The following RADX variants were observed in gnomAD, a reference collection of about 807,000 sequenced individuals.
RADX encodes RPA-related protein RADX.
A neutral mutation model predicts 61.6 loss-of-function variants in RADX; 36 were observed. That is an observed-to-expected ratio of 0.58 (90% CI 0.45 to 0.77). RADX has a LOEUF of 0.77. Ranked by LOEUF, RADX falls within the 30% of genes least tolerant of loss-of-function variation. RADX has a pLI of 0.00. For missense variants in RADX, 497 were observed against 651.1 expected, an observed-to-expected ratio of 0.76 and a Z score of 2.58; for synonymous variants, 272 against 237.9, an observed-to-expected ratio of 1.14 and a Z score of -1.32.
chrX:106,671,092 T>A (rs1471746606), intron 13 of RADX, among the ~76,000 whole-genome samples: 2 of 111,484 alleles, frequency 1.8e-5, no homozygotes, highest in Admixed American at 9.5e-5. Flanking sequence ...ACTCACCTAT[T>A]CTCAGGAGAT....
chrX:106,663,288 C>G (rs375612782), intron 12 of RADX, among the ~76,000 whole-genome samples: 1 of 111,308 alleles, frequency 9.0e-6, no homozygotes. Context: ...TCCCTACCTC[C>G]TCACATATAA....
chrX:106,637,609 T>C, intron 7 of RADX, 151 bp from the exon 8 acceptor site: 1 of 440,497 alleles, frequency 2.3e-6, no homozygotes. Flanking sequence ...TAATTATACA[T>C]AGTGAATAAG....
rs184306730 is a variant in RADX, at chrX:106,670,897, T to C, written c.2437+1567T>C. 4.1e-3 allele frequency among the ~76,000 whole-genome samples: 453 copies of C among 111,526 alleles called. 5 individuals carry two copies. Among genetic ancestry groups the C allele is most frequent in the African/African-American group, 0.014 (440 of 30,820 alleles). Reference sequence around the variant, plus strand: ...CTGAAAGATAAAAATAGTTACAAAATGATATAATGCAGTGTCTCATGGTAT... The same window carrying C: ...CTGAAAGATAAAAATAGTTACAAAACGATATAATGCAGTGTCTCATGGTAT... On this transcript the variant is annotated intron_variant, in intron 13 of 13. Transcript: ENST00000372548.
intron 11 of RADX, among the ~76,000 whole-genome samples, chrX:106,660,850 C>T (rs986456404): frequency 2.7e-5 from 3 of 111,696 alleles, no homozygotes; most frequent in Non-Finnish European, 5.6e-5. Context: ...TAAATGACTG[C>T]CTGAGACTGG....
At chrX:106,648,552 A>G (rs1332281213) in intron 11 of RADX, among the ~76,000 whole-genome samples, 166 bp downstream of exon 11, 1 of 111,596 alleles carries the variant, frequency 9.0e-6, no homozygotes, top group Non-Finnish European at 1.9e-5. Flanking sequence ...TCAATTTGGT[A>G]TCATCCCAAA....
chrX:106,617,931 G>GA (rs780232764), intron 1 of RADX, among the ~76,000 whole-genome samples: 2 of 111,466 alleles, frequency 1.8e-5, no homozygotes, highest in East Asian at 5.6e-4. Flanking sequence ...AATTTATGCA[G>GA]AAAAAAAGAT....
chrX:106,628,008 G>GA (rs1407277057), intron 3 of RADX, among the ~76,000 whole-genome samples: 3 of 110,620 alleles, frequency 2.7e-5, no homozygotes, highest in Non-Finnish European at 5.7e-5. Context: ...GCTAATTTTT[G>GA]TTTTTTTAGT....
chrX:106,675,679 A>G (rs983391866), intron 13 of RADX, among the ~76,000 whole-genome samples: 1 of 112,374 alleles, frequency 8.9e-6, no homozygotes, highest in Middle Eastern at 4.6e-3. Flanking sequence ...TGCCTTTGTC[A>G]CACTTAACTT....
intron 1 of RADX, among the ~76,000 whole-genome samples, chrX:106,621,925 GTTTTT>G (rs368340491): frequency 1.1e-5 from 1 of 89,940 alleles, no homozygotes; most frequent in African/African-American, 4.3e-5. Flanking sequence ...CAATTCTATG[GTTTTT>G]TTTTTTTTTT....
chrX:106,617,594 T>C (rs371586934), intron 1 of RADX, among the ~76,000 whole-genome samples: 5 of 111,685 alleles, frequency 4.5e-5, no homozygotes, highest in African/African-American at 1.3e-4. Flanking sequence ...TATTGTTGAG[T>C]TTTACACTTT....
chrX:106,631,514 C>A (rs1927215866), intron 3 of RADX, among the ~76,000 whole-genome samples: 1 of 107,501 alleles, frequency 9.3e-6, no homozygotes, highest in South Asian at 4.1e-4. Flanking sequence ...TCAAGATCAG[C>A]CTGGGCAACA....
At chrX:106,627,094 T>G (rs939721452) in intron 3 of RADX, among the ~76,000 whole-genome samples, 1 of 112,218 alleles carries the variant, frequency 8.9e-6, no homozygotes, top group Admixed American at 9.5e-5. Context: ...AGCCTACATG[T>G]GTAAGTGGAT....
intron 7 of RADX, among the ~76,000 whole-genome samples, 191 bp from the exon 8 acceptor site, chrX:106,637,569 T>G (rs73529269): frequency 9.0e-6 from 1 of 111,381 alleles, no homozygotes; most frequent in East Asian, 2.8e-4. Context: ...TGTCTGATTT[T>G]CTTCTTAGGA....
chrX:106,648,534 T>C (rs1927719698), intron 11 of RADX, 148 bp downstream of exon 11: 2 of 402,554 alleles, frequency 5.0e-6, no homozygotes, highest in Admixed American at 8.7e-5. Flanking sequence ...CTGTCAAAAG[T>C]GTACTGATCA....
At chrX:106,623,151 C>T (rs1360435311) in intron 2 of RADX, among the ~76,000 whole-genome samples, 1 of 111,149 alleles carries the variant, frequency 9.0e-6, no homozygotes, top group Non-Finnish European at 1.9e-5. Context: ...CCTTATGACT[C>T]TTCTATTCCC....
intron 11 of RADX, among the ~76,000 whole-genome samples, chrX:106,661,240 G>A (rs1352348811): frequency 9.0e-6 from 1 of 111,282 alleles, no homozygotes; most frequent in Non-Finnish European, 1.9e-5. Context: ...TTGATTTGAT[G>A]ATAGAGAACA....
At chrX:106,632,314 T>C (rs1231171765) in intron 3 of RADX, among the ~76,000 whole-genome samples, 1 of 111,900 alleles carries the variant, frequency 8.9e-6, no homozygotes, top group Non-Finnish European at 1.9e-5. Context: ...ATGCAGAATA[T>C]AATTTCACTC....
chrX:106,636,654 A>G lies in RADX; in HGVS notation c.1408+7A>G, dbSNP rs748218018. 3.0e-6 allele frequency: 3 copies of G among 1,001,868 alleles called. No homozygotes were observed. In the East Asian group the frequency reaches 9.2e-5, roughly 31 times the overall value. The allele number at this position is 1,001,868 out of a possible 1,213,427, so 82.6% of individuals were successfully genotyped here. On this transcript the variant is annotated splice_region_variant and intron_variant, in intron 7 of 13. Transcript: ENST00000372548. ...AGTGGAGTGTTTATTACTGGTGAGTAATTTCTTTGTGTATATTATTAGAAA... is the reference window on the plus strand; with the variant it reads ...AGTGGAGTGTTTATTACTGGTGAGTGATTTCTTTGTGTATATTATTAGAAA...
chrX:106,638,157 T>C, intron 8 of RADX: 4 of 289,377 alleles, frequency 1.4e-5, no homozygotes, highest in East Asian at 5.8e-5. Flanking sequence ...CTTTGATTTT[T>C]ATCAGACTGG....
Sources: gnomAD v4.1 joint callset for allele counts (sites outside exome capture counted in the v4.1 genomes callset) on GRCh38, gnomAD v4.1.1 for gene constraint, MANE v1.5 for transcripts, NCBI Gene and HGNC (gene_info 2026-07-23, HGNC 2026-07-21) for gene names.